The following EPHA5 variants were observed in gnomAD, a reference collection of about 807,000 sequenced individuals.
The protein encoded by EPHA5 is ephrin type-A receptor 5.
EPHA5 carries 60 observed loss-of-function variants against 105.0 expected under a neutral mutation model. The observed-to-expected ratio is 0.57, with a 90% CI of 0.46 to 0.71. EPHA5 has a LOEUF of 0.71. Among genes scored for constraint, EPHA5 ranks in the 30% least tolerant of loss-of-function variants. The pLI is 0.00. For missense variants in EPHA5, 1,218 were observed against 1,274.7 expected (o/e 0.96, Z 0.68); for synonymous variants, 513 against 449.1 (o/e 1.14, Z -1.80).
intron 5 of EPHA5, among the ~76,000 whole-genome samples, chr4:65,472,019 G>A (rs1729336539): frequency 6.6e-6 from 1 of 152,140 alleles, no homozygotes; most frequent in Non-Finnish European, 1.5e-5. Flanking sequence ...TCTGAGACAA[G>A]ACAAGTCCCT....
At chr4:65,397,066 C>A (rs747998953) in intron 8 of EPHA5, among the ~76,000 whole-genome samples, 9 of 152,326 alleles carry the variant, frequency 5.9e-5, no homozygotes, top group Non-Finnish European at 1.2e-4. Flanking sequence ...ACTGTCTGGA[C>A]AGCAGGAGGA....
At chr4:65,572,355 G>C (rs1740277726) in intron 3 of EPHA5, among the ~76,000 whole-genome samples, 1 of 152,040 alleles carries the variant, frequency 6.6e-6, no homozygotes, top group Non-Finnish European at 1.5e-5. Flanking sequence ...TTATCCCCTT[G>C]ATATATCACT....
intron 2 of EPHA5, among the ~76,000 whole-genome samples, chr4:65,603,810 A>G (rs531625331): frequency 6.6e-5 from 10 of 152,110 alleles, no homozygotes; most frequent in South Asian, 6.2e-4. Context: ...ATGTATATAT[A>G]CTCTACTTAG....
At chr4:65,547,449 C>G (rs1737488561) in intron 3 of EPHA5, among the ~76,000 whole-genome samples, 1 of 151,908 alleles carries the variant, frequency 6.6e-6, no homozygotes, top group Non-Finnish European at 1.5e-5. Flanking sequence ...AGCTGTCTGA[C>G]ATATTTTATG....
chr4:65,654,910 T>C (rs1487047050), intron 1 of EPHA5, among the ~76,000 whole-genome samples: 2 of 147,678 alleles, frequency 1.4e-5, no homozygotes, highest in Non-Finnish European at 3.0e-5. Flanking sequence ...TATACATTTA[T>C]TTTTATATGT....
At chr4:65,423,646 C>A (rs140721011) in intron 5 of EPHA5, among the ~76,000 whole-genome samples, 225 of 150,874 alleles carry the variant, frequency 1.5e-3, no homozygotes, top group Non-Finnish European at 2.5e-3. Context: ...CTTTGATATA[C>A]CCCCATCATT....
chr4:65,374,651 G>A lies in EPHA5; in HGVS notation c.1794-7227C>T, dbSNP rs1577951796. On this transcript the variant is annotated intron_variant, in intron 8 of 16. Transcript: ENST00000613740. ...TTCTAAGAGTTAATGCATTTACAATGGCCAGTTTTAATGTATATGTATCAT... is the reference window on the plus strand; with the variant it reads ...TTCTAAGAGTTAATGCATTTACAATAGCCAGTTTTAATGTATATGTATCAT... 2.0e-5 allele frequency among the ~76,000 whole-genome samples: 3 copies of A among 151,868 alleles called. No individual in the cohort carries two copies. In the East Asian group the frequency reaches 5.8e-4, roughly 30 times the overall value.
intron 5 of EPHA5, among the ~76,000 whole-genome samples, chr4:65,477,620 G>A (rs558606514): frequency 6.6e-6 from 1 of 151,862 alleles, no homozygotes; most frequent in East Asian, 1.9e-4. Context: ...CACCATCTTT[G>A]CCAGGATGGT....
chr4:65,588,812 G>A (rs1378337070), intron 3 of EPHA5, among the ~76,000 whole-genome samples: 1 of 152,070 alleles, frequency 6.6e-6, no homozygotes, highest in Admixed American at 6.6e-5. Context: ...GGCCTGGTCG[G>A]ACGGTACCAG....
intron 1 of EPHA5, among the ~76,000 whole-genome samples, chr4:65,661,227 T>A (rs1268460482): frequency 6.6e-6 from 1 of 152,172 alleles, no homozygotes; most frequent in African/African-American, 2.4e-5. Flanking sequence ...TGTTTTTTAA[T>A]TCAAAACAGA....
rs200821900 is a variant in EPHA5, at chr4:65,447,471, A to T, written c.1403-26906T>A. 3.7e-4 allele frequency among the ~76,000 whole-genome samples: 56 copies of T among 149,952 alleles called. No individual in the cohort carries two copies. The East Asian group carries it at 0.01, about 27-fold the overall frequency. On this transcript the variant is annotated intron_variant, in intron 5 of 16. Coordinates refer to ENST00000613740, the MANE Select transcript of EPHA5 (RefSeq NM_001281766.3). ...AGTCTGTCATATATTAGAAACACATATATATATATATTAAACTTTATATAA... is the reference window on the plus strand; with the variant it reads ...AGTCTGTCATATATTAGAAACACATTTATATATATATTAAACTTTATATAA...
chr4:65,446,916 T>C (rs1379028624), intron 5 of EPHA5, among the ~76,000 whole-genome samples: 1 of 151,958 alleles, frequency 6.6e-6, no homozygotes, highest in East Asian at 1.9e-4. Context: ...GACCAACTGG[T>C]TATATTCAAT....
Position 65,588,881 on chromosome 4 carries a change from A to G in EPHA5, c.910+12760T>C, listed in dbSNP as rs1456978503. Among the ~76,000 whole-genome samples the G allele has an allele frequency of 3.9e-5, 6 of 152,134 alleles. No individual in the cohort carries two copies. The East Asian group carries it at 9.6e-4, about 24-fold the overall frequency. ...GGCCAGGGTGGTGGCAACAATACCA[A>G]CAAATGGTAGCACACAAACAAAAAC... On this transcript the variant is annotated intron_variant, in intron 3 of 16. Transcript: ENST00000613740.
intron 2 of EPHA5, among the ~76,000 whole-genome samples, chr4:65,606,966 G>T (rs1396586711): frequency 6.6e-6 from 1 of 152,102 alleles, no homozygotes; most frequent in Non-Finnish European, 1.5e-5. Flanking sequence ...TACAGGGAAA[G>T]CTGTTCTTCA....
At chr4:65,533,308 T>C (rs1735997302) in intron 3 of EPHA5, among the ~76,000 whole-genome samples, 1 of 152,146 alleles carries the variant, frequency 6.6e-6, no homozygotes, top group Non-Finnish European at 1.5e-5. Context: ...TACTTCTACA[T>C]AGAATGCTGA....
intron 3 of EPHA5, among the ~76,000 whole-genome samples, chr4:65,539,097 G>A (rs914587938): frequency 6.6e-6 from 1 of 151,626 alleles, no homozygotes; most frequent in Non-Finnish European, 1.5e-5. Context: ...AGTGGCATTT[G>A]CTTAATGCTA....
intron 3 of EPHA5, among the ~76,000 whole-genome samples, chr4:65,515,490 C>T (rs1212884880): frequency 1.3e-5 from 2 of 152,110 alleles, no homozygotes; most frequent in Non-Finnish European, 2.9e-5. Flanking sequence ...CATGACTCCT[C>T]TATTTTATTT....
At chr4:65,344,575 A>G (rs751691314) in intron 14 of EPHA5, among the ~76,000 whole-genome samples, 2 of 152,204 alleles carry the variant, frequency 1.3e-5, no homozygotes, top group Non-Finnish European at 2.9e-5. Flanking sequence ...TAAGGGATGA[A>G]TGTTTCCCTT....
intron 8 of EPHA5, among the ~76,000 whole-genome samples, chr4:65,401,840 C>T (rs1305482166): frequency 1.3e-5 from 2 of 151,450 alleles, no homozygotes; most frequent in Non-Finnish European, 2.9e-5. Context: ...AGACATTATA[C>T]TAAAATTTCA....
Sources: allele counts gnomAD v4.1 joint callset (sites outside exome capture counted in the v4.1 genomes callset), GRCh38; gene constraint gnomAD v4.1.1; transcripts MANE v1.5; gene names NCBI Gene and HGNC (gene_info 2026-07-23, HGNC 2026-07-21).